The following MEIOB variants were observed in gnomAD, a reference collection of about 807,000 sequenced individuals.
MEIOB encodes the protein meiosis specific with OB-fold.
A neutral mutation model predicts 53.1 loss-of-function variants in MEIOB; 50 were observed. The observed-to-expected ratio is 0.94, with a 90% CI of 0.75 to 1.19. The LOEUF (loss-of-function observed/expected upper bound fraction) is 1.19. Among genes scored for constraint, MEIOB ranks in the 50% most tolerant of loss-of-function variants. MEIOB has a pLI of 0.00. For synonymous variants in MEIOB, 192 were observed against 182.5 expected, an observed-to-expected ratio of 1.05 and a Z score of -0.42; for missense variants, 551 against 550.8, an observed-to-expected ratio of 1.00 and a Z score of 0.00.
chr16:1,864,670 T>C (rs1218410361), intron 3 of MEIOB, among the ~76,000 whole-genome samples: 1 of 151,810 alleles, frequency 6.6e-6, no homozygotes, highest in Non-Finnish European at 1.5e-5. Context: ...GTATTTTTAG[T>C]AGAGAGGGGG....
At position 1,865,277 on chromosome 16, in the gene MEIOB, C is replaced by A. The variant is rs141919678; in HGVS notation, c.127+501G>T. Among the ~76,000 whole-genome samples, 643 of 152,086 alleles carry A rather than the reference C, an allele frequency of 4.2e-3. 5 individuals carry two copies. The highest frequency in any genetic ancestry group is 0.015 in the African/African-American group (619 of 41,490). ...TGAAACCCCATCTCTACTAAAAATACAAAAATTAGCTGGGCATGATGGCAT... is the reference window on the plus strand; with the variant it reads ...TGAAACCCCATCTCTACTAAAAATAAAAAAATTAGCTGGGCATGATGGCAT... On this transcript the variant is annotated intron_variant, in intron 3 of 13. Transcript: ENST00000325962.
chr16:1,847,707 GT>G, intron 9 of MEIOB, among the ~76,000 whole-genome samples: 1 of 152,172 alleles, frequency 6.6e-6, no homozygotes, highest in East Asian at 1.9e-4. Flanking sequence ...AGAAAACAAA[GT>G]TCCCATATAA....
intron 3 of MEIOB, among the ~76,000 whole-genome samples, chr16:1,862,332 A>C (rs920666268): frequency 2.6e-5 from 4 of 152,200 alleles, no homozygotes; most frequent in African/African-American, 9.6e-5. Context: ...TATGAATTTC[A>C]AGCTGAAGTG....
rs1567282822 is a variant in MEIOB, at chr16:1,868,089, C to T, written c.69+18G>A. On this transcript the variant is annotated intron_variant, in intron 2 of 13. Transcript: ENST00000325962. Reference sequence around the variant, plus strand: ...AAAATGTCATCAGTAAGCAAATCACCACATTATTGAAACCTACCAGATTAG... The same window carrying T: ...AAAATGTCATCAGTAAGCAAATCACTACATTATTGAAACCTACCAGATTAG... The T allele has an allele frequency of 7.4e-7, 1 of 1,354,550 alleles. No individual in the cohort carries two copies. The highest frequency in any genetic ancestry group is 1.0e-6 in the Non-Finnish European group (1 of 975,876). The allele number at this position is 1,354,550 out of a possible 1,614,324, so 83.9% of individuals were successfully genotyped here. A position where few individuals can be genotyped will look rare whatever the true frequency, so the allele number is the denominator to read the frequency against.
At chr16:1,848,218 T>G (rs983047790) in intron 9 of MEIOB, among the ~76,000 whole-genome samples, 1 of 152,174 alleles carries the variant, frequency 6.6e-6, no homozygotes, top group African/African-American at 2.4e-5. Context: ...TTTCTATCAG[T>G]GACTGCTACT....
At chr16:1,863,988 C>A (rs1567281337) in intron 3 of MEIOB, among the ~76,000 whole-genome samples, 2 of 152,026 alleles carry the variant, frequency 1.3e-5, no homozygotes. Context: ...GACCCTCTGT[C>A]TCTACAAAAA....
intron 13 of MEIOB, among the ~76,000 whole-genome samples, chr16:1,836,870 A>G (rs569636594): frequency 8.5e-4 from 130 of 152,348 alleles, no homozygotes; most frequent in African/African-American, 2.8e-3. Flanking sequence ...TTTTTTCAGT[A>G]TTAAGCTGCA....
At chr16:1,852,089 T>C (rs1344461537) in intron 9 of MEIOB, among the ~76,000 whole-genome samples, 1 of 152,272 alleles carries the variant, frequency 6.6e-6, no homozygotes, top group South Asian at 2.1e-4. Context: ...CAGAGAGTAC[T>C]GTGTGCACGC....
intron 9 of MEIOB, among the ~76,000 whole-genome samples, chr16:1,852,331 C>T (rs1407286704): frequency 7.6e-6 from 1 of 132,002 alleles, no homozygotes; most frequent in Admixed American, 9.3e-5. Context: ...GGTGCAATCT[C>T]GGCTCACTGC....
intron 9 of MEIOB, among the ~76,000 whole-genome samples, chr16:1,851,463 G>T (rs1899171284): frequency 6.6e-6 from 1 of 151,952 alleles, no homozygotes; most frequent in African/African-American, 2.4e-5. Flanking sequence ...TTTATTCTCT[G>T]TCTCTCCCTG....
chr16:1,837,158 C>T (rs896276058), intron 13 of MEIOB, among the ~76,000 whole-genome samples: 4 of 152,086 alleles, frequency 2.6e-5, no homozygotes, highest in African/African-American at 9.7e-5. Context: ...CAACTGTGGC[C>T]CTTCAGGGTT....
intron 6 of MEIOB, among the ~76,000 whole-genome samples, chr16:1,854,683 T>C (rs1899257828): frequency 6.6e-6 from 1 of 151,960 alleles, no homozygotes; most frequent in Non-Finnish European, 1.5e-5. Context: ...AACAAACAAA[T>C]ATAGGATATG....
At chr16:1,861,502 T>C (rs1242613007) in intron 4 of MEIOB, among the ~76,000 whole-genome samples, 1 of 151,610 alleles carries the variant, frequency 6.6e-6, no homozygotes, top group Non-Finnish European at 1.5e-5. Flanking sequence ...TTTGTATGCT[T>C]CAAATAACAT....
At position 1,865,851 on chromosome 16, in the gene MEIOB, G is replaced by A; in HGVS notation, c.70-16C>T. ...CGATAACTTTCTGAAAAACAAAAAG[G>A]TCACAGAAGACCAATATTAAACACA... is the stretch of plus-strand genomic sequence containing the variant. On this transcript the variant is annotated splice_polypyrimidine_tract_variant and intron_variant, in intron 2 of 13. Transcript: ENST00000325962. 2 of 1,529,596 alleles carry A rather than the reference G, an allele frequency of 1.3e-6. No homozygotes were observed. The highest frequency in any genetic ancestry group is 1.2e-5 in the South Asian group (1 of 81,484). 94.8% of individuals were successfully genotyped at this position (1,529,596 alleles called of 1,614,324 possible). A position where few individuals can be genotyped will look rare whatever the true frequency, so the allele number is the denominator to read the frequency against.
At chr16:1,853,155 T>A in intron 8 of MEIOB, 21 bp from the exon 9 acceptor site, 1 of 1,588,242 alleles carries the variant, frequency 6.3e-7, no homozygotes, top group Non-Finnish European at 8.6e-7. Flanking sequence ...AAAAAGCCAT[T>A]TAAAATTATT....
At chr16:1,849,316 G>T (rs1010261608) in intron 9 of MEIOB, among the ~76,000 whole-genome samples, 1 of 152,062 alleles carries the variant, frequency 6.6e-6, no homozygotes, top group Non-Finnish European at 1.5e-5. Context: ...ACTTTGGGAG[G>T]CCAAGGCAGG....
intron 6 of MEIOB, among the ~76,000 whole-genome samples, chr16:1,857,015 G>T (rs966740515): frequency 6.6e-6 from 1 of 152,132 alleles, no homozygotes; most frequent in Non-Finnish European, 1.5e-5. Context: ...CTCTGCCTTG[G>T]TCTCCCAAAG....
intron 9 of MEIOB, among the ~76,000 whole-genome samples, chr16:1,851,321 T>A (rs933629265): frequency 6.6e-6 from 1 of 152,166 alleles, no homozygotes; most frequent in Non-Finnish European, 1.5e-5. Flanking sequence ...AGCCTCCTCA[T>A]CAAGTCTTTG....
At chr16:1,864,447 C>T (rs1362797733) in intron 3 of MEIOB, among the ~76,000 whole-genome samples, 3 of 151,728 alleles carry the variant, frequency 2.0e-5, no homozygotes, top group Non-Finnish European at 4.4e-5. Flanking sequence ...CCTTCCCTCA[C>T]AGTCTGATAG....
Sources: gnomAD v4.1 joint callset for allele counts (sites outside exome capture counted in the v4.1 genomes callset) on GRCh38, gnomAD v4.1.1 for gene constraint, MANE v1.5 for transcripts, NCBI Gene and HGNC (gene_info 2026-07-23, HGNC 2026-07-21) for gene names.